The following ASIC2 variants were observed in gnomAD, a reference collection of about 807,000 sequenced individuals.
The protein encoded by ASIC2 is acid sensing ion channel subunit 2.
Under a neutral mutation model 57.3 loss-of-function variants are expected in ASIC2, and 25 were observed. The observed-to-expected ratio is 0.44, with a 90% CI of 0.32 to 0.61. The LOEUF (loss-of-function observed/expected upper bound fraction) is 0.61. Ranked by LOEUF, ASIC2 falls within the 20% of genes least tolerant of loss-of-function variation. The pLI is 0.06. For missense variants in ASIC2, 641 were observed against 738.1 expected, an observed-to-expected ratio of 0.87 and a Z score of 1.52; for synonymous variants, 319 against 307.5, an observed-to-expected ratio of 1.04 and a Z score of -0.39.
intron 1 of ASIC2, among the ~76,000 whole-genome samples, chr17:33,131,932 C>A (rs1346077943): frequency 2.0e-5 from 3 of 152,066 alleles, no homozygotes; most frequent in Non-Finnish European, 2.9e-5. Flanking sequence ...TCAAGAGTAG[C>A]CTCAGAGGAA....
chr17:33,806,700 T>C (rs563319419), intron 1 of ASIC2, among the ~76,000 whole-genome samples: 1 of 152,326 alleles, frequency 6.6e-6, no homozygotes, highest in East Asian at 1.9e-4. Flanking sequence ...GGTTTTCTGG[T>C]TTCCCTGGGT....
intron 1 of ASIC2, among the ~76,000 whole-genome samples, chr17:33,860,996 C>T (rs1184508006): frequency 6.6e-6 from 1 of 152,096 alleles, no homozygotes; most frequent in Non-Finnish European, 1.5e-5. Flanking sequence ...TTTGCACTGT[C>T]CTTTTGGAAA....
intron 1 of ASIC2, among the ~76,000 whole-genome samples, chr17:33,700,239 G>A (rs1908655044): frequency 6.6e-6 from 1 of 152,086 alleles, no homozygotes; most frequent in Non-Finnish European, 1.5e-5. Context: ...CAGGGAAATA[G>A]CAAGAAACTT....
chr17:33,423,930 G>A (rs1911129185), intron 1 of ASIC2, among the ~76,000 whole-genome samples: 1 of 152,180 alleles, frequency 6.6e-6, no homozygotes, highest in African/African-American at 2.4e-5. Flanking sequence ...GTGTGGCTTT[G>A]GACAAGTCCT....
intron 1 of ASIC2, among the ~76,000 whole-genome samples, chr17:33,820,387 C>A (rs1483732921): frequency 2.0e-5 from 3 of 152,152 alleles, no homozygotes; most frequent in Non-Finnish European, 4.4e-5. Flanking sequence ...TTAATAATTT[C>A]TTTTATGTGG....
intron 1 of ASIC2, among the ~76,000 whole-genome samples, chr17:33,853,107 C>A (rs1190876524): frequency 9.2e-5 from 14 of 152,218 alleles, no homozygotes; most frequent in African/African-American, 3.4e-4. Flanking sequence ...ACTTAAAACA[C>A]TTCTCCCACA....
chr17:33,833,082 A>G (rs1339149813), intron 1 of ASIC2, among the ~76,000 whole-genome samples: 1 of 152,242 alleles, frequency 6.6e-6, no homozygotes, highest in Non-Finnish European at 1.5e-5. Context: ...AATCTTAAGT[A>G]GACACACATG....
At chr17:33,036,618 G>C (rs2091909668) in intron 3 of ASIC2, among the ~76,000 whole-genome samples, 1 of 150,860 alleles carries the variant, frequency 6.6e-6, no homozygotes, top group East Asian at 1.9e-4. Context: ...TTTTTTTTTT[G>C]GTAGAGATGG....
chr17:33,161,834 A>G (rs537251420), intron 1 of ASIC2, among the ~76,000 whole-genome samples: 1 of 147,390 alleles, frequency 6.8e-6, no homozygotes, highest in African/African-American at 2.5e-5. Context: ...TCAGTGAATA[A>G]GTAATAAAGC....
chr17:33,989,106 C>T (rs992687350), intron 1 of ASIC2, among the ~76,000 whole-genome samples: 4 of 152,128 alleles, frequency 2.6e-5, no homozygotes, highest in Non-Finnish European at 5.9e-5. Context: ...ACAGAACCCA[C>T]ATCTGTCTGA....
chr17:33,967,156 C>G (rs540047707), intron 1 of ASIC2, among the ~76,000 whole-genome samples: 1 of 151,936 alleles, frequency 6.6e-6, no homozygotes, highest in South Asian at 2.1e-4. Flanking sequence ...CCACAATACT[C>G]ATATTCAGGC....
intron 1 of ASIC2, chr17:33,112,892 G>A (rs752683984): frequency 2.6e-5 from 4 of 151,586 alleles, no homozygotes; most frequent in Non-Finnish European, 4.4e-5. Flanking sequence ...AGATCCCTAC[G>A]CTCTTTAGGC....
chr17:34,039,366 A>G, intron 1 of ASIC2: 5 of 1,613,982 alleles, frequency 3.1e-6, no homozygotes, highest in African/African-American at 1.3e-5. Context: ...AGCAGAGGCC[A>G]GCTCCCCTTT....
rs1431586122 is a variant in ASIC2, at chr17:33,593,529, C to T, written c.556-481462G>A. 8.5e-5 allele frequency among the ~76,000 whole-genome samples: 13 copies of T among 152,220 alleles called. 1 individual carries two copies. The highest frequency in any genetic ancestry group is 8.5e-4 in the Admixed American group (13 of 15,278). On this transcript the variant is annotated intron_variant, in intron 1 of 9. Transcript: ENST00000359872. ...TTTCTGAGCTAGAAAGCTCAGGTTG[C>T]AATCTCAGCTTTGCCTCTTGGTCAG...
intron 1 of ASIC2, among the ~76,000 whole-genome samples, chr17:33,656,952 G>A (rs905894255): frequency 6.6e-6 from 1 of 152,166 alleles, no homozygotes; most frequent in Non-Finnish European, 1.5e-5. Flanking sequence ...GTGTCTTGAT[G>A]GTTCATCTGA....
At chr17:33,029,358 A>G (rs2091871785) in intron 3 of ASIC2, among the ~76,000 whole-genome samples, 1 of 152,254 alleles carries the variant, frequency 6.6e-6, no homozygotes, top group South Asian at 2.1e-4. Context: ...CTCAAACTTC[A>G]TATAAATGAA....
At chr17:33,031,330 T>A (rs972913849) in intron 3 of ASIC2, among the ~76,000 whole-genome samples, 6 of 152,188 alleles carry the variant, frequency 3.9e-5, no homozygotes, top group African/African-American at 1.4e-4. Flanking sequence ...TTCTTATCAT[T>A]TTTTAATGTC....
chr17:34,059,452 T>C (rs893995857), intron 1 of ASIC2, among the ~76,000 whole-genome samples: 6 of 152,208 alleles, frequency 3.9e-5, no homozygotes, highest in Admixed American at 6.5e-5. Flanking sequence ...ATTCTCTAGC[T>C]GAGCTTTTTA....
At chr17:33,227,091 T>C (rs1323505491) in intron 1 of ASIC2, among the ~76,000 whole-genome samples, 2 of 152,202 alleles carry the variant, frequency 1.3e-5, no homozygotes, top group Non-Finnish European at 2.9e-5. Context: ...TGGCCACAGT[T>C]GAAGTATTCA....
Sources: gnomAD v4.1 joint callset for allele counts (sites outside exome capture counted in the v4.1 genomes callset) on GRCh38, gnomAD v4.1.1 for gene constraint, MANE v1.5 for transcripts, NCBI Gene and HGNC (gene_info 2026-07-23, HGNC 2026-07-21) for gene names.